Variants in MAP4 observed in about 807,000 individuals in gnomAD.
MAP4 encodes the protein microtubule-associated protein 4.
A neutral mutation model predicts 170.2 loss-of-function variants in MAP4; 76 were observed. The observed-to-expected ratio is 0.45, with a 90% CI of 0.37 to 0.54. MAP4 has a LOEUF of 0.54. Ranked by LOEUF, MAP4 falls within the 20% of genes least tolerant of loss-of-function variation. The pLI is 0.00. For synonymous variants in MAP4, 909 were observed against 994.5 expected, an observed-to-expected ratio of 0.91 and a Z score of 1.62; for missense variants, 2,506 against 2,748.0, an observed-to-expected ratio of 0.91 and a Z score of 1.97.
At chr3:48,002,954 A>AAAAAT (rs2100100052) in intron 1 of MAP4, among the ~76,000 whole-genome samples, 1 of 144,686 alleles carries the variant, frequency 6.9e-6, no homozygotes, top group Non-Finnish European at 1.5e-5. Flanking sequence ...ATTAAGGCCA[A>AAAAAT]AAATAAATAA....
At chr3:48,024,470 C>T (rs1208986883) in intron 1 of MAP4, among the ~76,000 whole-genome samples, 1 of 152,094 alleles carries the variant, frequency 6.6e-6, no homozygotes, top group East Asian at 1.9e-4. Flanking sequence ...CTAGACAGTG[C>T]AATGTGAGCT....
intron 3 of MAP4, chr3:47,973,677 G>A: frequency 4.1e-6 from 4 of 985,328 alleles, no homozygotes; most frequent in Non-Finnish European, 4.8e-6. Context: ...GTCATACCCA[G>A]GCTTCTCCAC....
chr3:48,055,294 C>T (rs1268630864), intron 1 of MAP4, among the ~76,000 whole-genome samples: 1 of 152,272 alleles, frequency 6.6e-6, no homozygotes, highest in East Asian at 1.9e-4. Context: ...GCTGCCATCT[C>T]GGCTCACTGC....
chr3:48,050,905 C>CA lies in MAP4; in HGVS notation c.-20+37867dup, dbSNP rs550968391. The stretch of plus-strand genomic sequence containing the variant: ...GGGCAACAAGAGTGAAACTCCATCT[C>CA]AAAAAAAAAAAAAAGGCAGAAAGCC... On this transcript the variant is annotated intron_variant, in intron 1 of 18. Coordinates refer to the MAP4 transcript ENST00000360240. Among the ~76,000 whole-genome samples, 610 of 105,976 alleles carry CA rather than the reference C, an allele frequency of 5.8e-3. 6 individuals are homozygous for CA. The highest frequency in any genetic ancestry group is 0.045 in the South Asian group (156 of 3,438). The allele number at this position is 105,976 out of a possible 152,430, so 69.5% of individuals were successfully genotyped here.
intron 1 of MAP4, among the ~76,000 whole-genome samples, chr3:48,076,024 T>C (rs2100143721): frequency 6.8e-6 from 1 of 147,818 alleles, no homozygotes; most frequent in African/African-American, 2.5e-5. Flanking sequence ...GATTCCTACC[T>C]CACACATCAT....
At chr3:48,044,250 G>C (rs955458438) in intron 1 of MAP4, among the ~76,000 whole-genome samples, 4 of 150,702 alleles carry the variant, frequency 2.7e-5, no homozygotes. Context: ...CACCTCCCAG[G>C]TTCATGCCAT....
chr3:47,925,924 G>A (rs567910100), intron 4 of MAP4, among the ~76,000 whole-genome samples: 34 of 152,310 alleles, frequency 2.2e-4, no homozygotes, highest in Admixed American at 1.4e-3. Flanking sequence ...GCACGATCTT[G>A]GCTCACTGCA....
In MAP4 at chr3:47,912,252, C is replaced by T. The variant is rs2100036308; in HGVS notation, c.2169G>A (p.Glu723=). ...DHRLGHCSLS[E]SGWVSGSSSC... ...AGGATGAACCAGAGACCCAACCTGA[C>T]TCAGACAAAGAGCAGTGGCCCAGCC... The change falls in exon 9 of 21, where the codon GAG becomes GAA. Residue 723 remains glutamate, a synonymous_variant. Transcript: ENST00000683076. The T allele has an allele frequency of 6.5e-7, 1 of 1,536,118 alleles. No individual in the cohort carries two copies.
chr3:47,876,337 T>G (rs1399647427), intron 11 of MAP4, among the ~76,000 whole-genome samples: 1 of 152,070 alleles, frequency 6.6e-6, no homozygotes, highest in Non-Finnish European at 1.5e-5. Flanking sequence ...TTCACCGTTT[T>G]AGCCAGGATG....
At chr3:48,084,761 T>C (rs1168525458) in intron 1 of MAP4, among the ~76,000 whole-genome samples, 2 of 151,838 alleles carry the variant, frequency 1.3e-5, no homozygotes, top group African/African-American at 4.8e-5. Context: ...TTGTTGTTTT[T>C]GTTGTTTTGC....
At chr3:48,053,401 A>G (rs1284435853) in intron 1 of MAP4, among the ~76,000 whole-genome samples, 1 of 152,224 alleles carries the variant, frequency 6.6e-6, no homozygotes, top group Non-Finnish European at 1.5e-5. Flanking sequence ...TTCCTCCAAG[A>G]ACAAACAAGA....
intron 1 of MAP4, among the ~76,000 whole-genome samples, chr3:48,066,079 A>G (rs2100138126): frequency 6.6e-6 from 1 of 152,178 alleles, no homozygotes. Flanking sequence ...CAAGGATGAA[A>G]GAAAATATAT....
intron 2 of MAP4, among the ~76,000 whole-genome samples, chr3:47,993,282 C>T (rs1218281912): frequency 6.6e-6 from 1 of 152,010 alleles, no homozygotes; most frequent in African/African-American, 2.4e-5. Context: ...TATGGTTACA[C>T]CTGTAAATAG....
At chr3:47,962,158 T>C (rs887732429) in intron 3 of MAP4, among the ~76,000 whole-genome samples, 2 of 152,224 alleles carry the variant, frequency 1.3e-5, no homozygotes, top group African/African-American at 4.8e-5. Context: ...ATGTAATTAA[T>C]AACAGATATA....
chr3:47,973,155 C>T, intron 3 of MAP4: 1 of 983,636 alleles, frequency 1.0e-6, no homozygotes, highest in Non-Finnish European at 1.2e-6. Context: ...AATATACAAA[C>T]TGTTGAAGTC....
At chr3:47,871,201 C>G (rs1414317912) in intron 14 of MAP4, 26 bp downstream of exon 14, 11 of 1,613,884 alleles carry the variant, frequency 6.8e-6, no homozygotes, top group Non-Finnish European at 9.3e-6. Context: ...AGTTAGGGCT[C>G]TACAAAATGG....
In MAP4 at chr3:47,859,086, G is replaced by A. The variant is rs575097426; in HGVS notation, c.6502-1574C>T. Reference sequence around the variant, plus strand: ...AGAGCTTGCAGTGAGCCGAGATCGTGCCACTGCACTCCAGCCTGGGCAACA... The same window carrying A: ...AGAGCTTGCAGTGAGCCGAGATCGTACCACTGCACTCCAGCCTGGGCAACA... On this transcript the variant is annotated intron_variant, in intron 17 of 20. Transcript: ENST00000683076. Among the ~76,000 whole-genome samples, 28 of 152,170 alleles carry A rather than the reference G, an allele frequency of 1.8e-4. No individual in the cohort carries two copies. In the East Asian group the frequency reaches 5.4e-3, roughly 29 times the overall value.
intron 2 of MAP4, among the ~76,000 whole-genome samples, chr3:47,978,869 T>C (rs2100083742): frequency 6.6e-6 from 1 of 151,994 alleles, no homozygotes; most frequent in Non-Finnish European, 1.5e-5. Context: ...AATGGTCAAA[T>C]TTTTTGACTA....
chr3:48,061,183 T>A (rs1280436180), intron 1 of MAP4, among the ~76,000 whole-genome samples: 4 of 145,526 alleles, frequency 2.7e-5, no homozygotes, highest in Non-Finnish European at 4.5e-5. Flanking sequence ...AATGAACACC[T>A]CCCCCTCCCC....
Sources: allele counts gnomAD v4.1 joint callset (sites outside exome capture counted in the v4.1 genomes callset), GRCh38; gene constraint gnomAD v4.1.1; transcripts MANE v1.5; gene names NCBI Gene and HGNC (gene_info 2026-07-23, HGNC 2026-07-21).